FSTL1: variants seen among roughly 807,000 people sequenced by gnomAD.
FSTL1 encodes follistatin like 1, also known as follistatin-related protein 1.
Under a neutral mutation model 45.9 loss-of-function variants are expected in FSTL1, and 24 were observed. That is an observed-to-expected ratio of 0.52 (90% CI 0.38 to 0.74). The LOEUF (loss-of-function observed/expected upper bound fraction) is 0.74, where lower values mean the gene tolerates loss of function less well. Ranked by LOEUF, FSTL1 falls within the 30% of genes least tolerant of loss-of-function variation. The probability of loss-of-function intolerance (pLI) is 0.00; values close to 1 mark genes in which losing one functional copy is unlikely to be tolerated. For missense variants in FSTL1, 340 were observed against 381.8 expected (o/e 0.89, Z 0.91); for synonymous variants, 120 against 137.6 (o/e 0.87, Z 0.89).
chr3:120,431,689 T>G (rs1450806154), intron 2 of FSTL1, among the ~76,000 whole-genome samples: 1 of 151,892 alleles, frequency 6.6e-6, no homozygotes, highest in East Asian at 1.9e-4. Flanking sequence ...AAAAAGGAAA[T>G]AAAAATAGTT....
intron 2 of FSTL1, chr3:120,423,965 C>A (rs940969583): frequency 1.3e-5 from 2 of 152,158 alleles, no homozygotes; most frequent in Non-Finnish European, 2.9e-5. Flanking sequence ...AATTGTCTAC[C>A]TAAGACTTGT....
rs758649950 is a variant in FSTL1, at chr3:120,416,065, G to A, written c.64-38C>T. 2.2e-6 allele frequency: 3 copies of A among 1,383,192 alleles called. No individual in the cohort carries two copies. In the South Asian group the frequency reaches 3.5e-5, roughly 16 times the overall value. 85.7% of individuals were successfully genotyped at this position (1,383,192 alleles called of 1,614,324 possible). On this transcript the variant is annotated intron_variant, in intron 2 of 10. Coordinates refer to ENST00000295633, the MANE Select transcript of FSTL1 (RefSeq NM_007085.5). The stretch of plus-strand genomic sequence containing the variant: ...ATCATAAAGGAAACCGTGTGACTGA[G>A]ATGAACCCATTATGGAATGAGCCCA...
chr3:120,427,724 G>A (rs1054714826), intron 2 of FSTL1, among the ~76,000 whole-genome samples: 15 of 152,208 alleles, frequency 9.9e-5, no homozygotes, highest in Admixed American at 3.3e-4. Context: ...GAAGAGCAAC[G>A]GAGGACGAAA....
rs555809581 is a variant in FSTL1, at chr3:120,406,805, C to T, written c.463-1834G>A. ...TAATATCTCTCTGTGCCTCTTTCCC[C>T]AGCTCTATACAGGTTGATTATCCCT... On this transcript the variant is annotated intron_variant, in intron 6 of 10. Transcript: ENST00000295633. 6.8e-4 allele frequency among the ~76,000 whole-genome samples: 103 copies of T among 152,202 alleles called. 1 individual carries two copies. In the South Asian group the frequency reaches 0.021, roughly 31 times the overall value.
intron 5 of FSTL1, chr3:120,410,595 C>T: frequency 2.7e-6 from 1 of 371,786 alleles, no homozygotes; most frequent in Non-Finnish European, 5.3e-6. Flanking sequence ...TTCCAGTTAT[C>T]CCCTTTCAAA....
At chr3:120,406,425 G>A (rs1040443137) in intron 6 of FSTL1, among the ~76,000 whole-genome samples, 2 of 151,980 alleles carry the variant, frequency 1.3e-5, no homozygotes, top group Non-Finnish European at 2.9e-5. Context: ...GAGGGGAAAC[G>A]TCCAGCACTA....
chr3:120,442,698 T>A (rs1167912939), intron 2 of FSTL1, among the ~76,000 whole-genome samples: 1 of 148,542 alleles, frequency 6.7e-6, no homozygotes, highest in East Asian at 2.0e-4. Flanking sequence ...GAGAATCACT[T>A]GAACCCAGGA....
At chr3:120,449,351 G>A (rs1937829301) in intron 2 of FSTL1, among the ~76,000 whole-genome samples, 1 of 152,186 alleles carries the variant, frequency 6.6e-6, no homozygotes, top group Non-Finnish European at 1.5e-5. Context: ...AAATGTACTT[G>A]GTAAATGTTA....
chr3:120,410,002 A>G (rs1328775864), intron 5 of FSTL1: 1 of 181,468 alleles, frequency 5.5e-6, no homozygotes, highest in Non-Finnish European at 1.1e-5. Flanking sequence ...CTCTTGACTC[A>G]AAGATGAGCT....
chr3:120,436,282 T>C (rs930653782), intron 2 of FSTL1, among the ~76,000 whole-genome samples: 1 of 152,222 alleles, frequency 6.6e-6, no homozygotes, highest in African/African-American at 2.4e-5. Flanking sequence ...GAAATAAGTC[T>C]GCAGTGAGTA....
At chr3:120,408,536 C>T (rs959714152) in intron 6 of FSTL1, among the ~76,000 whole-genome samples, 7 of 152,172 alleles carry the variant, frequency 4.6e-5, no homozygotes, top group African/African-American at 1.7e-4. Flanking sequence ...CTCAGAGCTG[C>T]CAAGAAAAGT....
intron 10 of FSTL1, 34 bp from the exon 11 acceptor site, chr3:120,397,030 A>G: frequency 6.6e-7 from 1 of 1,518,250 alleles, no homozygotes; most frequent in Non-Finnish European, 9.2e-7. Flanking sequence ...GCGTCATGGA[A>G]ATATTAAACA....
intron 2 of FSTL1, among the ~76,000 whole-genome samples, chr3:120,430,778 G>A (rs1396074184): frequency 1.3e-5 from 2 of 152,188 alleles, no homozygotes; most frequent in Non-Finnish European, 2.9e-5. Context: ...AGCACACTCT[G>A]TGTCTCTAAG....
chr3:120,443,060 C>G (rs989028341), intron 2 of FSTL1, among the ~76,000 whole-genome samples: 2 of 147,450 alleles, frequency 1.4e-5, no homozygotes, highest in Non-Finnish European at 2.9e-5. Flanking sequence ...AACCTGCACA[C>G]TGTGCACATG....
At position 120,417,778 on chromosome 3, in the gene FSTL1, C is replaced by T. The variant is rs143539363; in HGVS notation, c.64-1751G>A. The stretch of plus-strand genomic sequence containing the variant: ...AAAAGCATGCTCAGACACATGCCTG[C>T]ACTCAAAGACACCCGCACACAGCTC... On this transcript the variant is annotated intron_variant, in intron 2 of 10. Coordinates refer to ENST00000295633, the MANE Select transcript of FSTL1 (RefSeq NM_007085.5). 4.8e-4 allele frequency among the ~76,000 whole-genome samples: 73 copies of T among 152,338 alleles called. No homozygotes were observed. In the East Asian group the frequency reaches 0.014, roughly 29 times the overall value.
intron 2 of FSTL1, among the ~76,000 whole-genome samples, chr3:120,445,871 T>C (rs1937727306): frequency 1.3e-5 from 2 of 149,766 alleles, no homozygotes; most frequent in African/African-American, 2.6e-5. Context: ...CAGCAGGGGA[T>C]AGGCTCGATG....
At chr3:120,420,831 G>C (rs1175945529) in intron 2 of FSTL1, among the ~76,000 whole-genome samples, 1 of 152,174 alleles carries the variant, frequency 6.6e-6, no homozygotes, top group Non-Finnish European at 1.5e-5. Flanking sequence ...CACAGTTGTA[G>C]AATTGAGGCC....
chr3:120,409,560 T>C lies in FSTL1; in HGVS notation c.434A>G (p.Tyr145Cys), dbSNP rs773106507. 6.2e-7 allele frequency: 1 copy of C among 1,613,958 alleles called. No homozygotes were observed. Among genetic ancestry groups the C allele is most frequent in the Non-Finnish European group, 8.5e-7 (1 of 1,179,796 alleles). Residue 145 changes from tyrosine (Y) to cysteine (C), a missense_variant, in exon 6 of 11, where the codon TAC becomes TGC. Coordinates refer to ENST00000295633, the MANE Select transcript of FSTL1 (RefSeq NM_007085.5). Reference sequence around the variant, plus strand: ...AAAATACTTGTCTAGGATTTCACTGTAGTTGCTGCCTTTAGAGAACCAGCC... The same window carrying C: ...AAAATACTTGTCTAGGATTTCACTGCAGTTGCTGCCTTTAGAGAACCAGCC... ...PDGWFSKGSN[Y>C]SEILDKYFKN...
In FSTL1 at chr3:120,396,256, TGAA is replaced by T. The variant is rs1316381914; in HGVS notation, c.*693_*695del. The T allele has an allele frequency of 1.3e-5, 2 of 152,044 alleles. No individual in the cohort carries two copies. The highest frequency in any genetic ancestry group is 4.9e-5 in the African/African-American group (2 of 41,186). The allele number at this position is 152,044 out of a possible 1,614,324, so 9.4% of individuals were successfully genotyped here. On this transcript the variant is annotated 3_prime_UTR_variant, in exon 11 of 11. Coordinates refer to ENST00000295633, the MANE Select transcript of FSTL1 (RefSeq NM_007085.5). Reference sequence around the variant, plus strand: ...AAAACAATAATATAATGATAATAATTGAAGAATAAAGTCAACTTGCCAAAAAAA... The same window carrying T: ...AAAACAATAATATAATGATAATAATTGAATAAAGTCAACTTGCCAAAAAAA...
Sources: allele counts gnomAD v4.1 joint callset (sites outside exome capture counted in the v4.1 genomes callset), GRCh38; gene constraint gnomAD v4.1.1; transcripts MANE v1.5; gene names NCBI Gene and HGNC (gene_info 2026-07-23, HGNC 2026-07-21).